The following OSTM1 variants were observed in gnomAD, a reference collection of about 807,000 sequenced individuals.
OSTM1 encodes the protein osteoclastogenesis associated transmembrane protein 1, also known as osteopetrosis-associated transmembrane protein 1.
Under a neutral mutation model 35.4 loss-of-function variants are expected in OSTM1, and 26 were observed. The ratio of observed to expected loss-of-function variants is 0.73; its 90% confidence interval spans 0.54 to 1.02. OSTM1 has a LOEUF of 1.02. OSTM1 is among the 50% of genes least tolerant of loss of function. OSTM1 has a pLI of 0.00. For synonymous variants in OSTM1, 181 were observed against 165.0 expected, an observed-to-expected ratio of 1.10 and a Z score of -0.75; for missense variants, 366 against 409.6, an observed-to-expected ratio of 0.89 and a Z score of 0.92.
chr6:108,057,128 TGA>T (rs979672216), intron 2 of OSTM1, among the ~76,000 whole-genome samples: 6 of 152,170 alleles, frequency 3.9e-5, no homozygotes, highest in African/African-American at 1.4e-4. Context: ...CTTGGGAGGC[TGA>T]GAGGGGAGAA....
In OSTM1 at chr6:108,051,183, G is replaced by C; in HGVS notation, c.631C>G (p.Leu211Val). The C allele has an allele frequency of 1.2e-6, 2 of 1,612,204 alleles. No homozygotes were observed. The highest frequency in any genetic ancestry group is 1.7e-6 in the Non-Finnish European group (2 of 1,178,536). Reference sequence around the variant, plus strand: ...TCTGAATAATTTTTTGTCTGTAAAAGACTATGTGCATTCCCCTAAAATGAC... The same window carrying C: ...TCTGAATAATTTTTTGTCTGTAAAACACTATGTGCATTCCCCTAAAATGAC... The part of the protein sequence containing the change: ...EHNLQGNAHS[L>V]LQTKNYSEVC... Residue 211 changes from leucine (L) to valine (V), a missense_variant, in exon 4 of 6, where the codon CTT (leucine) becomes GTT (valine). Leu to Val is a conservative substitution (Grantham distance 32). Around this residue, in one of 3 missense-constraint regions of OSTM1, gnomAD observed 125 missense variants for 151.7 expected, o/e 0.82. Transcript: ENST00000193322.
At chr6:108,072,578 A>G (rs2114614212) in intron 1 of OSTM1, among the ~76,000 whole-genome samples, 1 of 151,572 alleles carries the variant, frequency 6.6e-6, no homozygotes, top group Admixed American at 6.6e-5. Context: ...GATTGCAGTG[A>G]GCCGAGATGA....
At chr6:108,067,710 G>C (rs997167277) in intron 1 of OSTM1, among the ~76,000 whole-genome samples, 2 of 151,330 alleles carry the variant, frequency 1.3e-5, no homozygotes, top group African/African-American at 4.8e-5. Context: ...CACACCCATA[G>C]TCCCAGCTAC....
At chr6:108,064,139 T>C (rs1056863738) in intron 2 of OSTM1, 46 bp downstream of exon 2, 1 of 933,144 alleles carries the variant, frequency 1.1e-6, no homozygotes. Flanking sequence ...CTGACATCTG[T>C]ACTACTGAAC....
chr6:108,044,064 T>A lies in OSTM1; in HGVS notation c.*721A>T, dbSNP rs1360879107. The A allele has an allele frequency of 6.6e-6, 1 of 152,626 alleles. No individual in the cohort carries two copies. Among genetic ancestry groups the A allele is most frequent in the Non-Finnish European group, 1.5e-5 (1 of 68,012 alleles). 9.5% of individuals were successfully genotyped at this position (152,626 alleles called of 1,614,324 possible). A position where few individuals can be genotyped will look rare whatever the true frequency, so the allele number is the denominator to read the frequency against. ...AAATCCTTGGTATAAAAATAATCCATATTGCCCTGAATATAATAAAGCAAT... is the reference window on the plus strand; with the variant it reads ...AAATCCTTGGTATAAAAATAATCCAAATTGCCCTGAATATAATAAAGCAAT... On this transcript the variant is annotated 3_prime_UTR_variant, in exon 6 of 6. Coordinates refer to ENST00000193322, the MANE Select transcript of OSTM1 (RefSeq NM_014028.4).
At chr6:108,054,665 A>T in intron 2 of OSTM1, 78 bp from the exon 3 acceptor site, 1 of 708,126 alleles carries the variant, frequency 1.4e-6, no homozygotes, top group Non-Finnish European at 2.5e-6. Flanking sequence ...TTAAGCTATC[A>T]GCTTCGTTTC....
At chr6:108,071,044 C>T (rs373896244) in intron 1 of OSTM1, among the ~76,000 whole-genome samples, 5 of 150,770 alleles carry the variant, frequency 3.3e-5, no homozygotes, top group South Asian at 2.1e-4. Flanking sequence ...AAAAATCAGC[C>T]GGGCGTGGTG....
chr6:108,058,870 T>A (rs965926964), intron 2 of OSTM1, among the ~76,000 whole-genome samples: 3 of 152,248 alleles, frequency 2.0e-5, no homozygotes, highest in Non-Finnish European at 4.4e-5. Context: ...ATACATTGTA[T>A]GTGTTAACTG....
Position 108,054,550 on chromosome 6 carries a change from G to A in OSTM1, c.555C>T (p.Ser185=), listed in dbSNP as rs1465054909. ...TAAATAGATTAAGGAAATATACTGT[G>A]CTGTTTGATAATTCTTCACTGTTGT... ...LTNNSEELSN[S]TVYFLNLFNH... The change falls in exon 3 of 6, where the codon AGC becomes AGT. Residue 185 remains serine (S), a synonymous_variant. Transcript: ENST00000193322. 1.3e-6 allele frequency: 2 copies of A among 1,576,310 alleles called. No homozygotes were observed. The highest frequency in any genetic ancestry group is 1.7e-6 in the Non-Finnish European group (2 of 1,148,120).
At chr6:108,058,538 C>T (rs1473092622) in intron 2 of OSTM1, among the ~76,000 whole-genome samples, 1 of 152,184 alleles carries the variant, frequency 6.6e-6, no homozygotes, top group Non-Finnish European at 1.5e-5. Context: ...CCTGTAATCC[C>T]AGCACTTTGG....
chr6:108,050,124 G>A (rs1389346637), intron 4 of OSTM1, among the ~76,000 whole-genome samples: 1 of 152,006 alleles, frequency 6.6e-6, no homozygotes, highest in Non-Finnish European at 1.5e-5. Context: ...ATTAATACAT[G>A]TTTATTAAGC....
chr6:108,065,753 G>A (rs1484812759), intron 1 of OSTM1, among the ~76,000 whole-genome samples: 1 of 152,140 alleles, frequency 6.6e-6, no homozygotes, highest in Admixed American at 6.5e-5. Flanking sequence ...TAGCTACCAT[G>A]CTGCCAACCT....
chr6:108,064,073 T>C (rs1181342172), intron 2 of OSTM1, 112 bp downstream of exon 2: 3 of 693,854 alleles, frequency 4.3e-6, no homozygotes, highest in Non-Finnish European at 7.8e-6. Flanking sequence ...TATTTAAACT[T>C]AGCAATAAAA....
At position 108,044,684 on chromosome 6, in the gene OSTM1, A is replaced by G; in HGVS notation, c.*101T>C. On this transcript the variant is annotated 3_prime_UTR_variant, in exon 6 of 6. Coordinates refer to ENST00000193322, the MANE Select transcript of OSTM1 (RefSeq NM_014028.4). ...GGATCTGAAGTCCTTGTATTTCTTA[A>G]GAGCTTGACTTGTCAAATCACAGTT... is the stretch of plus-strand genomic sequence containing the variant. 1.4e-6 allele frequency: 1 copy of G among 695,960 alleles called. No individual in the cohort carries two copies. The highest frequency in any genetic ancestry group is 2.6e-6 in the Non-Finnish European group (1 of 386,646). 43.1% of individuals were successfully genotyped at this position (695,960 alleles called of 1,614,324 possible).
intron 3 of OSTM1, among the ~76,000 whole-genome samples, chr6:108,052,210 G>A (rs940533463): frequency 7.2e-5 from 11 of 152,040 alleles, no homozygotes; most frequent in African/African-American, 2.2e-4. Context: ...CGAGGTGGGC[G>A]GATCACAAGG....
chr6:108,073,088 G>C (rs1772515103), intron 1 of OSTM1, among the ~76,000 whole-genome samples: 1 of 152,186 alleles, frequency 6.6e-6, no homozygotes, highest in Non-Finnish European at 1.5e-5. Flanking sequence ...GGGATTACAG[G>C]CATGAGCCAC....
At chr6:108,072,203 C>A (rs909139564) in intron 1 of OSTM1, among the ~76,000 whole-genome samples, 3 of 152,122 alleles carry the variant, frequency 2.0e-5, no homozygotes, top group African/African-American at 4.8e-5. Context: ...GATGCTATAT[C>A]GTATCCTGCT....
rs752090052 is a variant in OSTM1 at position 108,074,627 on chromosome 6, G to C, written c.25C>G (p.Gln9Glu). Residue 9 changes from glutamine to glutamate, a missense_variant, in exon 1 of 6, where the codon CAG becomes GAG. By Grantham distance (29) the Gln-to-Glu change is conservative. Around this residue, in one of 3 missense-constraint regions of OSTM1, gnomAD observed 236 missense variants for 239.3 expected, o/e 0.99. Transcript: ENST00000193322. MEPGPTAA[Q>E]RRCSLPPWLP... ...CACGGCGGCAACGAACACCTCCGCT[G>C]CGCGGCTGTCGGGCCCGGCTCCATC... 107 of 1,559,988 alleles carry C rather than the reference G, an allele frequency of 6.9e-5. No homozygotes were observed. Among genetic ancestry groups the C allele is most frequent in the Admixed American group, 4.6e-4 (25 of 54,728 alleles).
intron 1 of OSTM1, 150 bp downstream of exon 1, chr6:108,074,100 C>T: frequency 1.3e-6 from 1 of 748,184 alleles, no homozygotes. Context: ...AATGCCACCC[C>T]CTTTTTCTGA....
Sources: gnomAD v4.1 joint callset for allele counts (sites outside exome capture counted in the v4.1 genomes callset) on GRCh38, gnomAD v4.1.1 for gene constraint, gnomAD v4.1.1 regional missense constraint, MANE v1.5 for transcripts, NCBI Gene and HGNC (gene_info 2026-07-23, HGNC 2026-07-21) for gene names.